Variants in SORBS2 observed in about 807,000 individuals in gnomAD.
SORBS2 encodes sorbin and SH3 domain-containing protein 2.
In SORBS2, 46 loss-of-function variants were observed where a neutral mutation model predicts 97.7. The observed-to-expected ratio is 0.47, with a 90% CI of 0.37 to 0.60. The LOEUF (loss-of-function observed/expected upper bound fraction) is 0.60. Ranked by LOEUF, SORBS2 falls within the 20% of genes least tolerant of loss-of-function variation. SORBS2 has a pLI of 0.00. For missense variants in SORBS2, 1,316 were observed against 1,282.3 expected (o/e 1.03, Z -0.40); for synonymous variants, 476 against 473.4 (o/e 1.01, Z -0.07).
intron 1 of SORBS2, among the ~76,000 whole-genome samples, chr4:185,838,075 C>G (rs1030567887): frequency 6.6e-6 from 1 of 152,214 alleles, no homozygotes; most frequent in African/African-American, 2.4e-5. Context: ...CTAATTCCAA[C>G]AGATGATGCT....
chr4:185,630,456 A>C, intron 5 of SORBS2, 93 bp downstream of exon 17: 1 of 688,796 alleles, frequency 1.5e-6, no homozygotes, highest in Non-Finnish European at 2.4e-6. Context: ...TGAGTGATAC[A>C]TGATACTCAT....
intron 1 of SORBS2, among the ~76,000 whole-genome samples, chr4:185,816,652 G>A (rs895547347): frequency 1.3e-5 from 2 of 152,096 alleles, no homozygotes; most frequent in African/African-American, 4.8e-5. Context: ...AATCAAATGC[G>A]TTCATATCCC....
intron 1 of SORBS2, among the ~76,000 whole-genome samples, chr4:185,951,428 A>T (rs1237313018): frequency 6.6e-6 from 1 of 152,098 alleles, no homozygotes; most frequent in Non-Finnish European, 1.5e-5. Flanking sequence ...CTGCCCTGTC[A>T]TCTCTGCCCT....
At chr4:185,652,605 G>T (rs368716608) in intron 2 of SORBS2, 57 bp downstream of exon 10, 2 of 1,329,810 alleles carry the variant, frequency 1.5e-6, no homozygotes, top group South Asian at 1.2e-5. Flanking sequence ...TGCAAAAGAC[G>T]AATGTAGTCC....
chr4:185,601,030 T>G (rs2096250538), intron 12 of SORBS2, among the ~76,000 whole-genome samples: 1 of 152,220 alleles, frequency 6.6e-6, no homozygotes, highest in Non-Finnish European at 1.5e-5. Context: ...GCCTGGTATT[T>G]GATCTGGCTT....
At chr4:185,913,533 A>C (rs1164815393) in intron 1 of SORBS2, among the ~76,000 whole-genome samples, 1 of 152,216 alleles carries the variant, frequency 6.6e-6, no homozygotes, top group Non-Finnish European at 1.5e-5. Context: ...GATCGCAATG[A>C]TTGTGTTAAA....
intron 2 of SORBS2, among the ~76,000 whole-genome samples, chr4:185,683,375 G>T (rs538570638): frequency 6.6e-6 from 1 of 152,260 alleles, no homozygotes; most frequent in South Asian, 2.1e-4. Context: ...GTGCGTCAAG[G>T]TTCACGTCTG....
intron 2 of SORBS2, among the ~76,000 whole-genome samples, chr4:185,703,992 A>G (rs1424647890): frequency 6.6e-6 from 1 of 152,244 alleles, no homozygotes; most frequent in East Asian, 1.9e-4. Flanking sequence ...TAGTTTAATG[A>G]ATACATAAGA....
intron 9 of SORBS2, among the ~76,000 whole-genome samples, chr4:185,616,164 T>C (rs2153412477): frequency 6.6e-6 from 1 of 152,366 alleles, no homozygotes; most frequent in Non-Finnish European, 1.5e-5. Context: ...TTTTTAATCT[T>C]TTTTTAAAAA....
chr4:185,905,944 GC>G (rs2099250549), intron 1 of SORBS2, among the ~76,000 whole-genome samples: 1 of 152,184 alleles, frequency 6.6e-6, no homozygotes, highest in South Asian at 2.1e-4. Context: ...AGGACCCTCT[GC>G]CTCCTTCTCA....
intron 2 of SORBS2, among the ~76,000 whole-genome samples, chr4:185,688,495 T>TAGAC (rs1165841582): frequency 7.4e-6 from 1 of 135,938 alleles, no homozygotes; most frequent in East Asian, 2.0e-4. Flanking sequence ...TGTCTATTGA[T>TAGAC]AGATAGATAA....
intron 1 of SORBS2, among the ~76,000 whole-genome samples, chr4:185,849,166 A>G (rs1341402858): frequency 1.3e-5 from 2 of 152,096 alleles, no homozygotes; most frequent in Admixed American, 6.5e-5. Context: ...GCTCCATCAG[A>G]CTGAAAGAGT....
intron 1 of SORBS2, among the ~76,000 whole-genome samples, chr4:185,837,623 G>A (rs933855134): frequency 2.6e-5 from 4 of 152,060 alleles, no homozygotes; most frequent in African/African-American, 9.7e-5. Flanking sequence ...ACTTAGAAAC[G>A]GAACCTCTAA....
chr4:185,704,829 C>A (rs2098319887), intron 2 of SORBS2, among the ~76,000 whole-genome samples: 1 of 152,144 alleles, frequency 6.6e-6, no homozygotes, highest in African/African-American at 2.4e-5. Context: ...CATTTCTAGT[C>A]CTTTTGATTT....
At chr4:185,727,298 C>T (rs1445665560) in intron 2 of SORBS2, among the ~76,000 whole-genome samples, 3 of 152,124 alleles carry the variant, frequency 2.0e-5, no homozygotes, top group Non-Finnish European at 2.9e-5. Context: ...TTGCTTATGC[C>T]GTCACAATTA....
At chr4:185,677,250 A>G (rs1294024992) in intron 4 of SORBS2, 1 of 1,551,894 alleles carries the variant, frequency 6.4e-7, no homozygotes, top group Admixed American at 2.0e-5. Context: ...TGGAGTACTA[A>G]TGGGGCTGCT....
chr4:185,932,919 A>G (rs927104917), intron 1 of SORBS2: 2 of 152,354 alleles, frequency 1.3e-5, no homozygotes, highest in African/African-American at 4.8e-5. Flanking sequence ...CTCAATAATC[A>G]ACTACTTGAT....
At chr4:185,603,930 A>C (rs1290264975) in intron 12 of SORBS2, among the ~76,000 whole-genome samples, 2 of 152,188 alleles carry the variant, frequency 1.3e-5, no homozygotes, top group African/African-American at 4.8e-5. Context: ...ACAAGGCTCA[A>C]GACAGTCAAT....
intron 2 of SORBS2, among the ~76,000 whole-genome samples, chr4:185,762,359 G>A (rs1450882167): frequency 2.6e-5 from 4 of 152,170 alleles, no homozygotes; most frequent in Non-Finnish European, 4.4e-5. Context: ...GGAAATGTGA[G>A]TCTGGAACTT....
Sources: allele counts gnomAD v4.1 joint callset (sites outside exome capture counted in the v4.1 genomes callset), GRCh38; gene constraint gnomAD v4.1.1; transcripts MANE v1.5; gene names NCBI Gene and HGNC (gene_info 2026-07-23, HGNC 2026-07-21).